RORA: variants seen among roughly 807,000 people sequenced by gnomAD.
RORA encodes nuclear receptor ROR-alpha.
Under a neutral mutation model 69.5 loss-of-function variants are expected in RORA, and 7 were observed. That is an observed-to-expected ratio of 0.10 (90% CI 0.06 to 0.19). The LOEUF is 0.19. RORA is among the 10% of genes least tolerant of loss of function. The probability of loss-of-function intolerance (pLI) is 1.00; values close to 1 mark genes in which losing one functional copy is unlikely to be tolerated. For synonymous variants in RORA, 261 were observed against 240.8 expected, an observed-to-expected ratio of 1.08 and a Z score of -0.78; for missense variants, 457 against 663.0, an observed-to-expected ratio of 0.69 and a Z score of 3.41.
At chr15:60,809,247 C>A (rs1193476359) in intron 1 of RORA, among the ~76,000 whole-genome samples, 1 of 152,180 alleles carries the variant, frequency 6.6e-6, no homozygotes, top group Non-Finnish European at 1.5e-5. Context: ...CTAAAAATGG[C>A]CAGGTGGATA....
At chr15:60,684,333 A>C (rs2070705311) in intron 1 of RORA, among the ~76,000 whole-genome samples, 2 of 152,152 alleles carry the variant, frequency 1.3e-5, no homozygotes, top group Admixed American at 1.3e-4. Context: ...AAAAACGAAC[A>C]GGCTGGTCAT....
intron 1 of RORA, among the ~76,000 whole-genome samples, chr15:61,157,078 T>C (rs1209248287): frequency 2.0e-5 from 3 of 152,136 alleles, no homozygotes; most frequent in Non-Finnish European, 4.4e-5. Flanking sequence ...ATGTAGTAAA[T>C]CTGAAACAGA....
Position 61,147,221 on chromosome 15 carries a change from G to T in RORA, c.166+81832C>A, listed in dbSNP as rs1639374605. Among the ~76,000 whole-genome samples, 1 of 152,178 alleles carries T rather than the reference G, an allele frequency of 6.6e-6. No homozygotes were observed. Among genetic ancestry groups the T allele is most frequent in the Non-Finnish European group, 1.5e-5 (1 of 68,034 alleles). ...ATGCCTTGAACCACACAGCACCGTG[G>T]TCGTTTCCACCACCCAAGAGAACCG... On this transcript the variant is annotated intron_variant, in intron 1 of 10. Coordinates refer to ENST00000335670, the MANE Select transcript of RORA (RefSeq NM_134261.3). This position sits in a 1 kb window ranked among gnomAD's most constrained non-coding sequence, Gnocchi z 4.1.
At chr15:60,922,373 C>G (rs1360344016) in intron 1 of RORA, among the ~76,000 whole-genome samples, 1 of 152,022 alleles carries the variant, frequency 6.6e-6, no homozygotes, top group Admixed American at 6.6e-5. Context: ...ATGTGCCACT[C>G]TGGTGGGGGA....
At chr15:60,781,166 C>T (rs909809489) in intron 1 of RORA, among the ~76,000 whole-genome samples, 1 of 152,122 alleles carries the variant, frequency 6.6e-6, no homozygotes. Context: ...GCTGGCTGGT[C>T]GTGCTAGGGT....
intron 1 of RORA, among the ~76,000 whole-genome samples, chr15:61,208,262 A>G (rs2079959859): frequency 6.6e-6 from 1 of 152,250 alleles, no homozygotes; most frequent in South Asian, 2.1e-4. Context: ...GACATAGACA[A>G]ACCCCCAAAA....
chr15:60,629,131 C>T (rs2069666443), intron 2 of RORA, among the ~76,000 whole-genome samples: 1 of 151,422 alleles, frequency 6.6e-6, no homozygotes, highest in Admixed American at 6.6e-5. Flanking sequence ...TGTCTCACAG[C>T]ACTCCGATTG....
chr15:61,064,719 T>C (rs185788560), intron 1 of RORA, among the ~76,000 whole-genome samples: 27 of 152,300 alleles, frequency 1.8e-4, no homozygotes, highest in Admixed American at 1.6e-3. Context: ...ATTACATGAA[T>C]TGAGGCTTCT....
chr15:60,506,533 G>GA (rs540540745), intron 5 of RORA, among the ~76,000 whole-genome samples: 27 of 152,178 alleles, frequency 1.8e-4, no homozygotes, highest in African/African-American at 5.8e-4. Context: ...AGAAGAGAAA[G>GA]AAAAAAGTAA....
intron 1 of RORA, among the ~76,000 whole-genome samples, chr15:60,773,249 C>T (rs1320220794): frequency 1.3e-5 from 2 of 152,212 alleles, no homozygotes; most frequent in Admixed American, 6.5e-5. Context: ...TGAACTTTGA[C>T]TTGAAGAATG....
At chr15:60,722,475 T>G (rs941767630) in intron 1 of RORA, among the ~76,000 whole-genome samples, 3 of 152,228 alleles carry the variant, frequency 2.0e-5, no homozygotes, top group Admixed American at 6.5e-5. Context: ...AGGACTTACG[T>G]GCAGCTCTCT....
At chr15:60,555,887 C>G (rs1004913782) in intron 2 of RORA, among the ~76,000 whole-genome samples, 38 of 152,080 alleles carry the variant, frequency 2.5e-4, no homozygotes. Context: ...CCCTCTTCCC[C>G]ACTCCTTCTT....
chr15:61,087,523 C>T (rs531938108), intron 1 of RORA, among the ~76,000 whole-genome samples: 12 of 152,198 alleles, frequency 7.9e-5, no homozygotes, highest in African/African-American at 2.9e-4. Flanking sequence ...TTATACATAC[C>T]CATATCCACC....
chr15:60,822,397 T>C (rs1270692924), intron 1 of RORA, among the ~76,000 whole-genome samples: 2 of 152,104 alleles, frequency 1.3e-5, no homozygotes, highest in African/African-American at 4.8e-5. Context: ...CACTCTCCCA[T>C]CCCAGCTTCC....
intron 1 of RORA, among the ~76,000 whole-genome samples, chr15:60,899,333 G>C (rs1891320443): frequency 6.6e-6 from 1 of 152,186 alleles, no homozygotes; most frequent in Admixed American, 6.5e-5. Context: ...ATAAGCCAAT[G>C]TTTAGTATAT....
In RORA at chr15:60,664,304, C is replaced by T. The variant is rs571875607; in HGVS notation, c.196+14353G>A. ...GGTGAGGATGTGTGTGTGATAGTAACAGTTTTTCCTTTTCCAACATCAAAA... is the reference window on the plus strand; with the variant it reads ...GGTGAGGATGTGTGTGTGATAGTAATAGTTTTTCCTTTTCCAACATCAAAA... On this transcript the variant is annotated intron_variant, in intron 2 of 10. Coordinates refer to ENST00000335670, the MANE Select transcript of RORA (RefSeq NM_134261.3). Among the ~76,000 whole-genome samples, 3 of 152,236 alleles carry T rather than the reference C, an allele frequency of 2.0e-5. No individual in the cohort carries two copies. The East Asian group carries it at 5.8e-4, about 29-fold the overall frequency.
chr15:60,779,528 C>T (rs947380119), intron 1 of RORA, among the ~76,000 whole-genome samples: 1 of 152,188 alleles, frequency 6.6e-6, no homozygotes, highest in East Asian at 1.9e-4. Context: ...GTAATAGGAG[C>T]AGGAAGCACC....
At chr15:60,840,611 C>G (rs2073183206) in intron 1 of RORA, among the ~76,000 whole-genome samples, 1 of 152,226 alleles carries the variant, frequency 6.6e-6, no homozygotes, top group Non-Finnish European at 1.5e-5. Flanking sequence ...GCTCAGCTGC[C>G]TTTTCCCTCC....
chr15:60,844,584 G>T (rs1048694068), intron 1 of RORA, among the ~76,000 whole-genome samples: 2 of 152,174 alleles, frequency 1.3e-5, no homozygotes, highest in Non-Finnish European at 2.9e-5. Context: ...GGAGCTGGTT[G>T]CTCTATGGCA....
Sources: gnomAD v4.1 joint callset for allele counts (sites outside exome capture counted in the v4.1 genomes callset) on GRCh38, gnomAD v4.1.1 for gene constraint, Gnocchi (gnomAD v3.1) non-coding constraint, MANE v1.5 for transcripts, NCBI Gene and HGNC (gene_info 2026-07-23, HGNC 2026-07-21) for gene names.